The following PKD1L3 variants were observed in gnomAD, a reference collection of about 807,000 sequenced individuals.
The protein encoded by PKD1L3 is polycystin 1 like 3, transient receptor potential channel interacting.
In PKD1L3, 239 loss-of-function variants were observed where a neutral mutation model predicts 184.1. The ratio of observed to expected loss-of-function variants is 1.30; its 90% CI spans 1.17 to 1.45. The LOEUF (loss-of-function observed/expected upper bound fraction) is 1.45, where lower values mean the gene tolerates loss of function less well. Among genes scored for constraint, PKD1L3 ranks in the 40% most tolerant of loss-of-function variants. PKD1L3 has a pLI of 0.00. For synonymous variants in PKD1L3, 996 were observed against 778.8 expected (o/e 1.28, Z -4.64); for missense variants, 2,660 against 2,067.2 (o/e 1.29, Z -5.56).
intron 3 of PKD1L3, among the ~76,000 whole-genome samples, chr16:71,992,447 G>A (rs751410705): frequency 1.6e-4 from 24 of 152,114 alleles, no homozygotes; most frequent in African/African-American, 3.9e-4. Context: ...CTCACATTGC[G>A]GGACACAGCT....
intron 21 of PKD1L3, among the ~76,000 whole-genome samples, chr16:71,948,803 T>TAAAAA (rs57129483): frequency 0.19 from 15,619 of 80,860 alleles, 2,854 homozygotes; most frequent in Non-Finnish European, 0.26. Context: ...TTACATATAG[T>TAAAAA]AAAAAAAAAA....
At chr16:71,998,226 G>A (rs1167233214) in intron 2 of PKD1L3, 46 bp downstream of exon 2, 5 of 1,548,990 alleles carry the variant, frequency 3.2e-6, no homozygotes, top group Middle Eastern at 1.7e-4. Flanking sequence ...TTTAGAATCA[G>A]TTTCTAAAAT....
chr16:71,948,305 A>G (rs1597301430), intron 21 of PKD1L3, among the ~76,000 whole-genome samples: 1 of 151,786 alleles, frequency 6.6e-6, no homozygotes, highest in Admixed American at 6.6e-5. Context: ...CTGGTCTCAA[A>G]CTCCTGACCT....
Position 71,942,941 on chromosome 16 carries a change from A to G in PKD1L3, c.3943T>C (p.Trp1315Arg), listed in dbSNP as rs1356323476. 1.3e-6 allele frequency: 2 copies of G among 1,551,546 alleles called. No individual in the cohort carries two copies. Among genetic ancestry groups the G allele is most frequent in the African/African-American group, 2.7e-5 (2 of 73,052 alleles). ...SNRFYLHQAI[W>R]KTFSHQFSEI... ...GAGAACTGGTGCGAAAATGTCTTCC[A>G]GATAGCTTGGTGGAGGTAAAATCTA... Residue 1315 changes from tryptophan (W) to arginine (R), a missense_variant, in exon 24 of 30, where the codon TGG becomes CGG. Physicochemically the swap from Trp to Arg is moderately radical, Grantham distance 101. Transcript: ENST00000620267.
chr16:71,986,908 G>C (rs946898745), intron 4 of PKD1L3, among the ~76,000 whole-genome samples: 2 of 140,908 alleles, frequency 1.4e-5, no homozygotes, highest in African/African-American at 5.6e-5. Context: ...CAGTGGTAAG[G>C]AGAGGATTTT....
At chr16:71,976,482 C>A (rs980578839) in intron 11 of PKD1L3, among the ~76,000 whole-genome samples, 3 of 151,866 alleles carry the variant, frequency 2.0e-5, no homozygotes, top group Non-Finnish European at 4.4e-5. Context: ...GTCTCCAACT[C>A]CTGACCTCAG....
chr16:71,966,662 C>T (rs2039513540), intron 15 of PKD1L3, among the ~76,000 whole-genome samples: 1 of 151,996 alleles, frequency 6.6e-6, no homozygotes, highest in African/African-American at 2.4e-5. Context: ...AAACTCCTGG[C>T]CTCAAGTGAT....
rs147326907 is a variant in PKD1L3 at position 71,990,465 on chromosome 16, G to T, written c.536-136C>A. ...TAGAAAACCAAGGCCGGACATGGTA[G>T]CTCATGTCTGTAATCCCAGCACTTT... is the stretch of plus-strand genomic sequence containing the variant. On this transcript the variant is annotated intron_variant, in intron 3 of 29. Coordinates refer to ENST00000620267, the MANE Select transcript of PKD1L3 (RefSeq NM_181536.2). 2.8e-4 allele frequency: 181 copies of T among 635,638 alleles called. 4 individuals are homozygous for T. In the East Asian group the frequency reaches 6.6e-3, roughly 23 times the overall value. 39.4% of individuals were successfully genotyped at this position (635,638 alleles called of 1,614,324 possible). A position where few individuals can be genotyped will look rare whatever the true frequency, so the allele number is the denominator to read the frequency against.
intron 12 of PKD1L3, among the ~76,000 whole-genome samples, chr16:71,970,803 G>C (rs1367409728): frequency 8.5e-5 from 13 of 152,110 alleles, no homozygotes; most frequent in Admixed American, 7.9e-4. Context: ...GCAAGACTCT[G>C]TCTCCAAAAT....
intron 16 of PKD1L3, among the ~76,000 whole-genome samples, chr16:71,961,335 C>A (rs1387249570): frequency 6.6e-6 from 1 of 152,162 alleles, no homozygotes; most frequent in Non-Finnish European, 1.5e-5. Context: ...GTTGGCCAGG[C>A]TGGTCTCGAA....
At chr16:71,944,700 TG>T (rs2038495321) in intron 22 of PKD1L3, among the ~76,000 whole-genome samples, 5 of 68,826 alleles carry the variant, frequency 7.3e-5, no homozygotes, top group Non-Finnish European at 1.3e-4. Flanking sequence ...ATCTGTTTTT[TG>T]TTTGTTTTTT....
At chr16:71,991,558 CT>C (rs777670085) in intron 3 of PKD1L3, among the ~76,000 whole-genome samples, 4 of 152,286 alleles carry the variant, frequency 2.6e-5, no homozygotes, top group Non-Finnish European at 5.9e-5. Flanking sequence ...GTAAGGTGCT[CT>C]CCTAACAACA....
At chr16:71,998,955 G>A (rs2040878541) in intron 1 of PKD1L3, among the ~76,000 whole-genome samples, 1 of 152,130 alleles carries the variant, frequency 6.6e-6, no homozygotes, top group South Asian at 2.1e-4. Context: ...AAAACTTCAA[G>A]ATTATGGTGC....
At chr16:71,950,773 G>C (rs1195664113) in intron 19 of PKD1L3, among the ~76,000 whole-genome samples, 2 of 141,116 alleles carry the variant, frequency 1.4e-5, no homozygotes, top group South Asian at 4.4e-4. Flanking sequence ...TTGGTCTGTC[G>C]TCCAGGCTGA....
intron 21 of PKD1L3, among the ~76,000 whole-genome samples, chr16:71,948,727 G>A (rs1442893088): frequency 7.3e-6 from 1 of 136,528 alleles, no homozygotes; most frequent in African/African-American, 2.7e-5. Flanking sequence ...TAGTGAAACT[G>A]AATTTCTTAC....
At chr16:71,962,176 G>A (rs1031688315) in intron 16 of PKD1L3, among the ~76,000 whole-genome samples, 6 of 152,016 alleles carry the variant, frequency 3.9e-5, no homozygotes, top group Non-Finnish European at 8.8e-5. Flanking sequence ...TGTCCACCTC[G>A]GCCTCCCAAA....
At chr16:71,951,343 T>G (rs1203165842) in intron 19 of PKD1L3, among the ~76,000 whole-genome samples, 6 of 152,210 alleles carry the variant, frequency 3.9e-5, no homozygotes, top group Non-Finnish European at 7.3e-5. Flanking sequence ...GGCTTGTGTT[T>G]TTTTCTTAAT....
chr16:71,941,986 T>G (rs1215783457), intron 24 of PKD1L3, among the ~76,000 whole-genome samples: 1 of 151,670 alleles, frequency 6.6e-6, no homozygotes, highest in Non-Finnish European at 1.5e-5. Flanking sequence ...TTTTTAACAC[T>G]AACATGAAAA....
At chr16:71,980,264 G>T (rs2040098426) in intron 7 of PKD1L3, 130 bp from the exon 8 acceptor site, 1 of 1,234,736 alleles carries the variant, frequency 8.1e-7, no homozygotes, top group East Asian at 2.6e-5. Flanking sequence ...TCCTTAGAGA[G>T]GACCTTGGAA....
Sources: allele counts gnomAD v4.1 joint callset (sites outside exome capture counted in the v4.1 genomes callset), GRCh38; gene constraint gnomAD v4.1.1; transcripts MANE v1.5; gene names NCBI Gene and HGNC (gene_info 2026-07-23, HGNC 2026-07-21).